Variants in CDYL2 observed in about 807,000 individuals in gnomAD.
The protein encoded by CDYL2 is chromodomain Y like 2, also known as chromodomain Y-like protein 2.
Under a neutral mutation model 49.4 loss-of-function variants are expected in CDYL2, and 23 were observed. That is an observed-to-expected ratio of 0.47 (90% CI 0.34 to 0.66). CDYL2 has a LOEUF of 0.66. Among genes scored for constraint, CDYL2 ranks in the 30% least tolerant of loss-of-function variants. CDYL2 has a pLI of 0.01. For missense variants in CDYL2, 678 were observed against 656.4 expected (o/e 1.03, Z -0.36); for synonymous variants, 360 against 268.8 (o/e 1.34, Z -3.32).
intron 2 of CDYL2, 77 bp from the exon 3 acceptor site, chr16:80,633,313 G>A (rs370789444): frequency 1.9e-5 from 27 of 1,436,908 alleles, no homozygotes; most frequent in East Asian, 1.8e-4. Flanking sequence ...AGGACGTTGG[G>A]ATTTCCAATG....
chr16:80,636,516 C>T (rs559610630), intron 2 of CDYL2, among the ~76,000 whole-genome samples: 10 of 152,262 alleles, frequency 6.6e-5, no homozygotes, highest in Admixed American at 1.3e-4. Flanking sequence ...TGCCATCTCA[C>T]GCCAGTTAGA....
chr16:80,798,446 G>C (rs150151010), intron 1 of CDYL2, among the ~76,000 whole-genome samples: 1 of 152,106 alleles, frequency 6.6e-6, no homozygotes, highest in Admixed American at 6.5e-5. Context: ...CTACACAATG[G>C]GAATGCCATG....
chr16:80,756,904 C>G (rs1022492224), intron 1 of CDYL2, among the ~76,000 whole-genome samples: 1 of 151,136 alleles, frequency 6.6e-6, no homozygotes, highest in Admixed American at 6.6e-5. Flanking sequence ...TCAAAGGCAT[C>G]TGATAAGTCA....
intron 1 of CDYL2, among the ~76,000 whole-genome samples, chr16:80,803,477 C>A (rs1043366553): frequency 9.9e-5 from 15 of 152,118 alleles, no homozygotes; most frequent in African/African-American, 3.6e-4. Flanking sequence ...CAAGGGCCAC[C>A]CCCACGCCCG....
intron 1 of CDYL2, among the ~76,000 whole-genome samples, chr16:80,801,128 G>A (rs998719626): frequency 2.6e-5 from 4 of 152,196 alleles, no homozygotes; most frequent in African/African-American, 9.6e-5. Flanking sequence ...ATAGACCAGG[G>A]CATCTGGCTA....
rs115230732 is a variant in CDYL2, at chr16:80,613,383, G to A, written c.1008-547C>T. On this transcript the variant is annotated intron_variant, in intron 4 of 6. Coordinates refer to ENST00000570137, the MANE Select transcript of CDYL2 (RefSeq NM_152342.4). The stretch of plus-strand genomic sequence containing the variant: ...GATTATGCTGGGTGATGCTGTAGAG[G>A]GACTTCAAGCTTCAGATGGTGGGTA... Among the ~76,000 whole-genome samples, 452 of 152,212 alleles carry A rather than the reference G, an allele frequency of 3.0e-3. 6 individuals are homozygous for A. The highest frequency in any genetic ancestry group is 0.011 in the African/African-American group (436 of 41,502).
At chr16:80,730,744 G>A (rs911146458) in intron 1 of CDYL2, among the ~76,000 whole-genome samples, 1 of 152,164 alleles carries the variant, frequency 6.6e-6, no homozygotes, top group Admixed American at 6.5e-5. Context: ...ATGTAGGGGT[G>A]TATCTAAGCA....
intron 2 of CDYL2, among the ~76,000 whole-genome samples, chr16:80,668,494 T>C (rs189274818): frequency 1.3e-5 from 2 of 151,144 alleles, no homozygotes; most frequent in Non-Finnish European, 2.9e-5. Flanking sequence ...ATAAAGTACA[T>C]AGATTTAATA....
intron 2 of CDYL2, among the ~76,000 whole-genome samples, chr16:80,683,901 T>G (rs1200370562): frequency 6.6e-6 from 1 of 152,172 alleles, no homozygotes; most frequent in Non-Finnish European, 1.5e-5. Context: ...GAAATTAGAT[T>G]TCCATTTTTC....
At chr16:80,627,562 C>G (rs1907359490) in intron 3 of CDYL2, 1 of 152,140 alleles carries the variant, frequency 6.6e-6, no homozygotes, top group Non-Finnish European at 1.5e-5. Context: ...TTTGGTGTTG[C>G]TAATTCAATT....
chr16:80,778,421 TA>T lies in CDYL2; in HGVS notation c.24+25728del, dbSNP rs1245271944. ...AAATTATAACTGACAGAAAGACAGG[TA>T]AGATGATATAATTTAAGCATGATGT... On this transcript the variant is annotated intron_variant, in intron 1 of 6. Coordinates refer to ENST00000570137, the MANE Select transcript of CDYL2 (RefSeq NM_152342.4). 5.3e-5 allele frequency among the ~76,000 whole-genome samples: 8 copies of T among 151,722 alleles called. No homozygotes were observed. In the East Asian group the frequency reaches 1.5e-3, roughly 29 times the overall value.
chr16:80,621,090 A>G (rs1311632792), intron 3 of CDYL2, among the ~76,000 whole-genome samples, 155 bp from the exon 4 acceptor site: 1 of 152,232 alleles, frequency 6.6e-6, no homozygotes, highest in Non-Finnish European at 1.5e-5. Flanking sequence ...AGTACAAGCA[A>G]GAGTCCAGAG....
chr16:80,729,913 G>T (rs910787171), intron 1 of CDYL2, among the ~76,000 whole-genome samples: 1 of 152,152 alleles, frequency 6.6e-6, no homozygotes, highest in African/African-American at 2.4e-5. Flanking sequence ...CGAGAACAAA[G>T]ACACAACATA....
intron 1 of CDYL2, among the ~76,000 whole-genome samples, chr16:80,703,799 G>A (rs527314703): frequency 6.6e-6 from 1 of 152,196 alleles, no homozygotes; most frequent in South Asian, 2.1e-4. Flanking sequence ...CTTGACCTCT[G>A]ATTCCAGACC....
intron 1 of CDYL2, among the ~76,000 whole-genome samples, chr16:80,776,136 C>A (rs367754777): frequency 3.3e-5 from 5 of 152,040 alleles, no homozygotes; most frequent in South Asian, 2.1e-4. Flanking sequence ...AAATTAGCAA[C>A]TGAAAGTACA....
At chr16:80,783,406 G>A (rs1045725124) in intron 1 of CDYL2, among the ~76,000 whole-genome samples, 7 of 152,100 alleles carry the variant, frequency 4.6e-5, no homozygotes, top group Non-Finnish European at 1.0e-4. Context: ...CTCATACATT[G>A]CTGCTATGGG....
chr16:80,617,440 G>A (rs942791521), intron 4 of CDYL2, among the ~76,000 whole-genome samples: 1 of 152,210 alleles, frequency 6.6e-6, no homozygotes, highest in African/African-American at 2.4e-5. Flanking sequence ...CACAGGAGCA[G>A]GCACAGAACT....
At chr16:80,770,633 A>T (rs971528367) in intron 1 of CDYL2, among the ~76,000 whole-genome samples, 1 of 152,236 alleles carries the variant, frequency 6.6e-6, no homozygotes, top group Non-Finnish European at 1.5e-5. Context: ...GTGCCATAAA[A>T]TAATTCATGA....
intron 1 of CDYL2, among the ~76,000 whole-genome samples, chr16:80,781,093 T>G (rs913018514): frequency 6.6e-6 from 1 of 152,150 alleles, no homozygotes; most frequent in African/African-American, 2.4e-5. Flanking sequence ...CCAAACAGAT[T>G]TTCAAAATTA....
Sources: gnomAD v4.1 joint callset for allele counts (sites outside exome capture counted in the v4.1 genomes callset) on GRCh38, gnomAD v4.1.1 for gene constraint, MANE v1.5 for transcripts, NCBI Gene and HGNC (gene_info 2026-07-23, HGNC 2026-07-21) for gene names.